CAPZA1: variants seen among roughly 807,000 people sequenced by gnomAD.
The protein encoded by CAPZA1 is F-actin-capping protein subunit alpha-1.
Under a neutral mutation model 40.8 loss-of-function variants are expected in CAPZA1, and 10 were observed. The observed-to-expected ratio is 0.25, with a 90% CI of 0.15 to 0.42. The LOEUF is 0.42. CAPZA1 is among the 10% of genes least tolerant of loss of function. CAPZA1 has a pLI of 1.00. For synonymous variants in CAPZA1, 98 were observed against 115.0 expected, an observed-to-expected ratio of 0.85 and a Z score of 0.95; for missense variants, 277 against 353.8, an observed-to-expected ratio of 0.78 and a Z score of 1.74.
chr1:112,639,864 TG>T (rs574925127), intron 1 of CAPZA1, among the ~76,000 whole-genome samples: 73 of 82,988 alleles, frequency 8.8e-4, no homozygotes, highest in African/African-American at 3.0e-3. Flanking sequence ...GGGAGGGAGG[TG>T]GGGGGGTCAG....
rs1671831317 is a variant in CAPZA1, at chr1:112,671,417, G to C, written c.*1285G>C. On this transcript the variant is annotated 3_prime_UTR_variant, in exon 10 of 10. Transcript: ENST00000263168. ...TCCAGATACATGTCAAAAAAAGAAA[G>C]GTGTTTGTGCTTCCGTTTTGTTTCT... 1 of 152,594 alleles carries C rather than the reference G, an allele frequency of 6.6e-6. No individual in the cohort carries two copies. The allele number at this position is 152,594 out of a possible 1,614,324, so 9.5% of individuals were successfully genotyped here.
intron 1 of CAPZA1, among the ~76,000 whole-genome samples, chr1:112,630,105 G>A (rs1003309194): frequency 4.6e-5 from 7 of 151,886 alleles, no homozygotes; most frequent in South Asian, 4.1e-4. Flanking sequence ...TTCAGTGGTG[G>A]GATCTTGGCT....
chr1:112,629,264 T>A (rs574132688), intron 1 of CAPZA1, among the ~76,000 whole-genome samples: 47 of 152,348 alleles, frequency 3.1e-4, no homozygotes, highest in African/African-American at 1.1e-3. Context: ...TCCTTCTGTA[T>A]CCCTCATTTC....
chr1:112,654,798 T>C, intron 5 of CAPZA1, 127 bp downstream of exon 5: 1 of 567,272 alleles, frequency 1.8e-6, no homozygotes, highest in Non-Finnish European at 3.0e-6. Flanking sequence ...CTGCATTTTA[T>C]TCCCTAAATC....
At chr1:112,667,871 G>C (rs1267798527) in intron 8 of CAPZA1, among the ~76,000 whole-genome samples, 1 of 151,968 alleles carries the variant, frequency 6.6e-6, no homozygotes, top group Non-Finnish European at 1.5e-5. Context: ...GACATGATTT[G>C]TTCTTGCATT....
At chr1:112,644,496 G>A (rs1326181053) in intron 1 of CAPZA1, among the ~76,000 whole-genome samples, 1 of 152,024 alleles carries the variant, frequency 6.6e-6, no homozygotes, top group African/African-American at 2.4e-5. Context: ...CCTGGCCCCA[G>A]CTTTGTATTC....
At chr1:112,665,023 C>T (rs941045192) in intron 7 of CAPZA1, among the ~76,000 whole-genome samples, 10 of 152,166 alleles carry the variant, frequency 6.6e-5, no homozygotes, top group African/African-American at 2.4e-4. Flanking sequence ...TAAATAATAG[C>T]TCCTACAGCT....
intron 1 of CAPZA1, among the ~76,000 whole-genome samples, chr1:112,622,657 G>T (rs1435662832): frequency 6.6e-6 from 1 of 152,118 alleles, no homozygotes; most frequent in African/African-American, 2.4e-5. Context: ...AATTTCAAAA[G>T]TATGGTAATT....
intron 2 of CAPZA1, among the ~76,000 whole-genome samples, chr1:112,648,390 C>A (rs750556749): frequency 1.1e-3 from 136 of 127,966 alleles, no homozygotes; most frequent in Non-Finnish European, 1.5e-3. Context: ...TGCTTTGTTG[C>A]CAGTCTGGAG....
chr1:112,638,391 T>C (rs529380262), intron 1 of CAPZA1, among the ~76,000 whole-genome samples: 7 of 152,228 alleles, frequency 4.6e-5, no homozygotes, highest in African/African-American at 1.4e-4. Context: ...GTTGGCTCAC[T>C]GCAACCTCCG....
intron 1 of CAPZA1, among the ~76,000 whole-genome samples, chr1:112,623,385 G>A (rs1334768145): frequency 6.6e-6 from 1 of 152,054 alleles, no homozygotes; most frequent in Non-Finnish European, 1.5e-5. Flanking sequence ...AATCTGTTAA[G>A]ACATCCTAGG....
chr1:112,637,870 A>G (rs1490941632), intron 1 of CAPZA1, among the ~76,000 whole-genome samples: 1 of 152,206 alleles, frequency 6.6e-6, no homozygotes, highest in African/African-American at 2.4e-5. Flanking sequence ...CAGAGTACAA[A>G]ATAAAGTTTT....
chr1:112,642,484 G>T (rs1051230365), intron 1 of CAPZA1, among the ~76,000 whole-genome samples: 1 of 151,532 alleles, frequency 6.6e-6, no homozygotes, highest in African/African-American at 2.4e-5. Flanking sequence ...CAAAGTGCTG[G>T]GATTATAGGC....
intron 1 of CAPZA1, among the ~76,000 whole-genome samples, chr1:112,638,945 T>G (rs941987645): frequency 2.4e-4 from 36 of 149,108 alleles, no homozygotes; most frequent in Non-Finnish European, 3.0e-4. Flanking sequence ...TAGGTATAGA[T>G]ATAGAGATAG....
At chr1:112,626,460 G>A (rs1028381711) in intron 1 of CAPZA1, among the ~76,000 whole-genome samples, 5 of 151,834 alleles carry the variant, frequency 3.3e-5, no homozygotes, top group Non-Finnish European at 7.4e-5. Context: ...TAAAATGGTG[G>A]GACAGGGCAC....
rs563587636 is a variant in CAPZA1, at chr1:112,653,134, T to C, written c.156-464T>C. Among the ~76,000 whole-genome samples, 20 of 152,320 alleles carry C rather than the reference T, an allele frequency of 1.3e-4. No individual in the cohort carries two copies. In the South Asian group the frequency reaches 3.7e-3, roughly 28 times the overall value. On this transcript the variant is annotated intron_variant, in intron 3 of 9. Transcript: ENST00000263168. The stretch of plus-strand genomic sequence containing the variant: ...TTACTGAAAGCTTCTGCCCAAATGA[T>C]TAAAATTGTTGGCAGTTCACAATAA...
chr1:112,647,336 CTGTTT>C, intron 2 of CAPZA1, 63 bp downstream of exon 2: 1 of 846,760 alleles, frequency 1.2e-6, no homozygotes, highest in East Asian at 2.8e-5. Flanking sequence ...TACTTGCTGT[CTGTTT>C]TAATTCTTAC....
rs115398403 is a variant in CAPZA1 at position 112,629,212 on chromosome 1, G to C, written c.39+9329G>C. The stretch of plus-strand genomic sequence containing the variant: ...GTCTTTGTTCCAATCACGTATTCTC[G>C]CTGAATAATCTTTGCATTTGTTCTT... On this transcript the variant is annotated intron_variant, in intron 1 of 9. Transcript: ENST00000263168. Among the ~76,000 whole-genome samples the C allele has an allele frequency of 7.1e-3, 1,073 of 152,164 alleles. 17 individuals are homozygous for C. Among genetic ancestry groups the C allele is most frequent in the African/African-American group, 0.025 (1,017 of 41,488 alleles).
rs550206952 is a variant in CAPZA1 at position 112,670,940 on chromosome 1, G to A, written c.*808G>A. 2 of 152,688 alleles carry A rather than the reference G, an allele frequency of 1.3e-5. No homozygotes were observed. The highest frequency in any genetic ancestry group is 2.9e-5 in the Non-Finnish European group (2 of 68,016). The allele number at this position is 152,688 out of a possible 1,614,324, so 9.5% of individuals were successfully genotyped here. A position where few individuals can be genotyped will look rare whatever the true frequency, so the allele number is the denominator to read the frequency against. ...ACTGTGGATGTAGAGTATAAAACTT[G>A]AAAAATGCAGATGTTGAAGGAATAA... On this transcript the variant is annotated 3_prime_UTR_variant, in exon 10 of 10. Transcript: ENST00000263168.
Sources: allele counts gnomAD v4.1 joint callset (sites outside exome capture counted in the v4.1 genomes callset), GRCh38; gene constraint gnomAD v4.1.1; transcripts MANE v1.5; gene names NCBI Gene and HGNC (gene_info 2026-07-23, HGNC 2026-07-21).